The following KCNJ10 variants were observed in gnomAD, a reference collection of about 807,000 sequenced individuals.
The protein encoded by KCNJ10 is potassium inwardly rectifying channel subfamily J member 10, also known as ATP-sensitive inward rectifier potassium channel 10.
KCNJ10 carries 9 observed loss-of-function variants against 22.2 expected under a neutral mutation model. The ratio of observed to expected loss-of-function variants is 0.40; its 90% CI spans 0.24 to 0.71. The LOEUF is 0.71. Ranked by LOEUF, KCNJ10 falls within the 30% of genes least tolerant of loss-of-function variation. The pLI, the probability that KCNJ10 is intolerant of heterozygous loss-of-function variation, is 0.35. For synonymous variants in KCNJ10, 184 were observed against 187.3 expected (o/e 0.98, Z 0.15); for missense variants, 337 against 482.7 (o/e 0.70, Z 2.83).
In KCNJ10 at chr1:160,042,212, G is replaced by A; in HGVS notation, c.321C>T (p.Pro107=). The part of the protein sequence containing the change: ...LELDPPANHT[P]CVVQVHTLTG... ...TGAGTGTGTGCACCTGTACCACACA[G>A]GGGGTGTGGTTGGCCGGGGGGTCCA... Residue 107 remains proline, a synonymous_variant, in exon 2 of 2, where the codon CCC becomes CCT. Transcript: ENST00000644903. 1 of 1,613,246 alleles carries A rather than the reference G, an allele frequency of 6.2e-7. No homozygotes were observed.
At chr1:160,051,366 C>A (rs1648900557) in intron 1 of KCNJ10, among the ~76,000 whole-genome samples, 1 of 152,024 alleles carries the variant, frequency 6.6e-6, no homozygotes, top group South Asian at 2.1e-4. Context: ...TACTGTAGAC[C>A]AGCACTTCAT....
chr1:160,068,359 G>T lies in KCNJ10; in HGVS notation c.-1+1663C>A, dbSNP rs1200742432. On this transcript the variant is annotated intron_variant, in intron 1 of 1. Transcript: ENST00000644903. Reference sequence around the variant, plus strand: ...CAACTTGGCTGCTCAGGCTCTGAGTGGGGGGTGGGGGGATGGCTCAGAAAA... The same window carrying T: ...CAACTTGGCTGCTCAGGCTCTGAGTTGGGGGTGGGGGGATGGCTCAGAAAA... Among the ~76,000 whole-genome samples the T allele has an allele frequency of 7.2e-5, 11 of 152,176 alleles. No homozygotes were observed. The East Asian group carries it at 7.8e-4, about 11-fold the overall frequency.
At chr1:160,047,969 G>T (rs900967901) in intron 1 of KCNJ10, among the ~76,000 whole-genome samples, 1 of 152,190 alleles carries the variant, frequency 6.6e-6, no homozygotes, top group Non-Finnish European at 1.5e-5. Flanking sequence ...TCAAACTCCC[G>T]GACTTAAGTG....
At chr1:160,058,493 A>G (rs1247408830) in intron 1 of KCNJ10, among the ~76,000 whole-genome samples, 1 of 152,222 alleles carries the variant, frequency 6.6e-6, no homozygotes, top group Non-Finnish European at 1.5e-5. Context: ...GCCTAAGCCA[A>G]AACTTGTCCA....
chr1:160,054,196 G>A (rs980067027), intron 1 of KCNJ10, among the ~76,000 whole-genome samples: 10 of 152,210 alleles, frequency 6.6e-5, no homozygotes, highest in African/African-American at 2.4e-4. Context: ...TACCCCTATT[G>A]CACGCCCTCC....
At chr1:160,056,496 C>T (rs1157186509) in intron 1 of KCNJ10, among the ~76,000 whole-genome samples, 4 of 152,182 alleles carry the variant, frequency 2.6e-5, no homozygotes, top group Admixed American at 2.6e-4. Flanking sequence ...TCCAAGACTC[C>T]CCTCCAGACT....
intron 1 of KCNJ10, among the ~76,000 whole-genome samples, chr1:160,053,802 C>A (rs1648959960): frequency 6.6e-6 from 1 of 152,140 alleles, no homozygotes; most frequent in Non-Finnish European, 1.5e-5. Context: ...TTCTCATAGT[C>A]TGATCAAAAG....
chr1:160,063,847 C>T (rs1221437499), intron 1 of KCNJ10, among the ~76,000 whole-genome samples: 3 of 152,208 alleles, frequency 2.0e-5, no homozygotes, highest in East Asian at 1.9e-4. Flanking sequence ...GGCAAGGCTC[C>T]GGAATTTAAT....
Position 160,055,504 on chromosome 1 carries a change from G to T in KCNJ10, c.1-12972C>A, listed in dbSNP as rs144406126. 8.5e-4 allele frequency among the ~76,000 whole-genome samples: 129 copies of T among 152,250 alleles called. 1 individual carries two copies. The highest frequency in any genetic ancestry group is 5.0e-3 in the East Asian group (26 of 5,182). ...GGAATCCACTGATTTTATCTACCTT[G>T]ATTAGCCATTAAGTAGCTCTGCCAT... On this transcript the variant is annotated intron_variant, in intron 1 of 1. Transcript: ENST00000644903.
intron 1 of KCNJ10, among the ~76,000 whole-genome samples, chr1:160,058,097 G>A (rs1360047906): frequency 6.6e-6 from 1 of 152,142 alleles, no homozygotes; most frequent in East Asian, 1.9e-4. Context: ...GTTCATCTTT[G>A]TGTCCTTCTC....
At chr1:160,058,995 G>A (rs899437899) in intron 1 of KCNJ10, among the ~76,000 whole-genome samples, 30 of 152,206 alleles carry the variant, frequency 2.0e-4, no homozygotes, top group African/African-American at 7.2e-4. Flanking sequence ...TGTTCCCACA[G>A]TACCATGAAC....
At chr1:160,049,330 C>T (rs1255631308) in intron 1 of KCNJ10, among the ~76,000 whole-genome samples, 4 of 152,100 alleles carry the variant, frequency 2.6e-5, no homozygotes, top group Admixed American at 1.3e-4. Flanking sequence ...TCTGCTATGG[C>T]ACACTGCATA....
intron 1 of KCNJ10, among the ~76,000 whole-genome samples, chr1:160,057,063 C>T (rs1649059337): frequency 6.6e-6 from 1 of 152,230 alleles, no homozygotes; most frequent in South Asian, 2.1e-4. Flanking sequence ...TTCAGTCAAT[C>T]TCTTAATCTC....
intron 1 of KCNJ10, chr1:160,064,690 A>G (rs913975650): frequency 6.6e-6 from 1 of 152,112 alleles, no homozygotes; most frequent in African/African-American, 2.4e-5. Context: ...ACTCTAATAC[A>G]CTCACCCTCT....
intron 1 of KCNJ10, among the ~76,000 whole-genome samples, chr1:160,048,745 C>G (rs1207385681): frequency 6.6e-6 from 1 of 152,260 alleles, no homozygotes; most frequent in Non-Finnish European, 1.5e-5. Flanking sequence ...CCAGGATCAT[C>G]TCAAACTCTC....
chr1:160,058,236 A>G (rs1365670309), intron 1 of KCNJ10, among the ~76,000 whole-genome samples: 1 of 152,030 alleles, frequency 6.6e-6, no homozygotes. Context: ...TGAGCTTCCC[A>G]TTGAAGTTTC....
At chr1:160,066,253 G>C (rs1301805504) in intron 1 of KCNJ10, among the ~76,000 whole-genome samples, 5 of 152,196 alleles carry the variant, frequency 3.3e-5, no homozygotes, top group African/African-American at 1.2e-4. Flanking sequence ...GAAAGCAGGG[G>C]CTGTGGGTGT....
At chr1:160,060,880 A>G (rs1447614066) in intron 1 of KCNJ10, among the ~76,000 whole-genome samples, 3 of 152,192 alleles carry the variant, frequency 2.0e-5, no homozygotes, top group African/African-American at 7.2e-5. Context: ...AGAGATCCCC[A>G]ACTCCAAACC....
At chr1:160,049,703 A>ATATATATATATTTATATT (rs1553235662) in intron 1 of KCNJ10, among the ~76,000 whole-genome samples, 1 of 126,026 alleles carries the variant, frequency 7.9e-6, no homozygotes, top group Non-Finnish European at 1.7e-5. Flanking sequence ...ATATATATAT[A>ATATATATATATTTATATT]TATATATATA....
Sources: allele counts gnomAD v4.1 joint callset (sites outside exome capture counted in the v4.1 genomes callset), GRCh38; gene constraint gnomAD v4.1.1; transcripts MANE v1.5; gene names NCBI Gene and HGNC (gene_info 2026-07-23, HGNC 2026-07-21).